The following GPC6 variants were observed in gnomAD, a reference collection of about 807,000 sequenced individuals.
GPC6 encodes the protein glypican 6.
In GPC6, 14 loss-of-function variants were observed where a neutral mutation model predicts 55.2. That is an observed-to-expected ratio of 0.25 (90% CI 0.17 to 0.40). The LOEUF is 0.40. Ranked by LOEUF, GPC6 falls within the 10% of genes least tolerant of loss-of-function variation. GPC6 has a pLI of 1.00. For synonymous variants in GPC6, 278 were observed against 259.6 expected, an observed-to-expected ratio of 1.07 and a Z score of -0.68; for missense variants, 641 against 708.5, an observed-to-expected ratio of 0.90 and a Z score of 1.08.
chr13:94,143,980 G>C (rs1174354807), intron 4 of GPC6, among the ~76,000 whole-genome samples: 18 of 152,278 alleles, frequency 1.2e-4, no homozygotes, highest in Non-Finnish European at 4.4e-5. Context: ...ACACATTATA[G>C]CTTTATAGGC....
intron 3 of GPC6, among the ~76,000 whole-genome samples, chr13:93,840,018 T>C (rs1326166882): frequency 2.6e-5 from 4 of 152,146 alleles, no homozygotes; most frequent in Non-Finnish European, 5.9e-5. Flanking sequence ...TTCTCTATCT[T>C]GTGGAATAGT....
chr13:93,251,720 C>A (rs1876792825), intron 1 of GPC6, among the ~76,000 whole-genome samples: 1 of 152,172 alleles, frequency 6.6e-6, no homozygotes, highest in Non-Finnish European at 1.5e-5. Context: ...GATAAGAAAT[C>A]TTCCTATTCC....
At chr13:94,192,354 C>G (rs1889422377) in intron 4 of GPC6, among the ~76,000 whole-genome samples, 2 of 152,182 alleles carry the variant, frequency 1.3e-5, no homozygotes, top group Non-Finnish European at 1.5e-5. Context: ...AGCCTCAGGT[C>G]TTCCTAAAAG....
chr13:94,403,013 A>G lies in GPC6; in HGVS notation c.1466-2A>G. On this transcript the variant is annotated splice_acceptor_variant, in intron 8 of 8. Transcript: ENST00000377047. LOFTEE classifies it high-confidence loss of function. ...CTTTCTTTTTCAATCTTTCCACACTAGGTGATGAATCCAGTGGCTCAGGGA... is the reference window on the plus strand; with the variant it reads ...CTTTCTTTTTCAATCTTTCCACACTGGGTGATGAATCCAGTGGCTCAGGGA... The G allele has an allele frequency of 6.2e-7, 1 of 1,600,634 alleles. No individual in the cohort carries two copies.
intron 1 of GPC6, among the ~76,000 whole-genome samples, chr13:93,261,953 C>G (rs1877164816): frequency 6.6e-6 from 1 of 151,838 alleles, no homozygotes; most frequent in Admixed American, 6.6e-5. Flanking sequence ...CACACACACA[C>G]ACACACACAC....
chr13:93,817,042 A>G (rs1357331778), intron 2 of GPC6, among the ~76,000 whole-genome samples: 1 of 152,188 alleles, frequency 6.6e-6, no homozygotes, highest in Admixed American at 6.5e-5. Flanking sequence ...TGTAAATTGC[A>G]TCAGCATCAA....
At position 93,505,652 on chromosome 13, in the gene GPC6, C is replaced by A. The variant is rs113010508; in HGVS notation, c.161-39611C>A. The stretch of plus-strand genomic sequence containing the variant: ...GGGGCCATTTTAAACAGTGAAATCA[C>A]CAAGGAAAAGCACAAAAATGCAAAA... On this transcript the variant is annotated intron_variant, in intron 1 of 8. Transcript: ENST00000377047. Among the ~76,000 whole-genome samples, 33 of 152,144 alleles carry A rather than the reference C, an allele frequency of 2.2e-4. 3 individuals are homozygous for A. The highest frequency in any genetic ancestry group is 8.0e-4 in the African/African-American group (33 of 41,496).
At chr13:94,338,576 A>G (rs1054630507) in intron 6 of GPC6, among the ~76,000 whole-genome samples, 6 of 152,192 alleles carry the variant, frequency 3.9e-5, no homozygotes, top group Non-Finnish European at 8.8e-5. Context: ...ACAGCAATCT[A>G]TTGAGGGCAA....
At chr13:94,000,600 T>G (rs1014676343) in intron 3 of GPC6, among the ~76,000 whole-genome samples, 35 of 152,160 alleles carry the variant, frequency 2.3e-4, no homozygotes, top group African/African-American at 8.2e-4. Flanking sequence ...GGCTTAGAGA[T>G]GACAGAAAGA....
intron 3 of GPC6, among the ~76,000 whole-genome samples, chr13:93,870,805 A>T (rs970487891): frequency 6.6e-6 from 1 of 151,862 alleles, no homozygotes; most frequent in Non-Finnish European, 1.5e-5. Flanking sequence ...CCTCAAAATG[A>T]GACGGGGTTT....
chr13:94,279,883 C>T (rs114426556), intron 4 of GPC6, among the ~76,000 whole-genome samples: 2,819 of 152,100 alleles, frequency 0.019, 90 homozygotes, highest in African/African-American at 0.064. Flanking sequence ...AATTTTAGAG[C>T]AAGTGTCATG....
chr13:93,863,106 T>A (rs116239028), intron 3 of GPC6, among the ~76,000 whole-genome samples: 1 of 151,710 alleles, frequency 6.6e-6, no homozygotes, highest in African/African-American at 2.4e-5. Context: ...AAATACCCAA[T>A]GCTACAAGGC....
chr13:93,377,231 T>C (rs1044300566), intron 1 of GPC6, among the ~76,000 whole-genome samples: 2 of 152,164 alleles, frequency 1.3e-5, no homozygotes, highest in Admixed American at 1.3e-4. Context: ...AGCATTGAAG[T>C]GAATCTCCCA....
chr13:93,765,802 C>T (rs1324526863), intron 2 of GPC6, among the ~76,000 whole-genome samples: 4 of 152,216 alleles, frequency 2.6e-5, no homozygotes, highest in Non-Finnish European at 4.4e-5. Flanking sequence ...AGAATTTTCA[C>T]TTCATGGAAT....
At chr13:93,982,719 C>T (rs1218999726) in intron 3 of GPC6, among the ~76,000 whole-genome samples, 1 of 152,122 alleles carries the variant, frequency 6.6e-6, no homozygotes, top group Non-Finnish European at 1.5e-5. Context: ...GCTGGTGGGT[C>T]ATAAAATGAA....
chr13:93,839,894 T>A (rs1887885443), intron 3 of GPC6, among the ~76,000 whole-genome samples: 1 of 152,190 alleles, frequency 6.6e-6, no homozygotes, highest in Non-Finnish European at 1.5e-5. Context: ...GATTTTAGCA[T>A]CTATATTCAT....
At chr13:93,817,080 T>C (rs1886880113) in intron 2 of GPC6, among the ~76,000 whole-genome samples, 1 of 152,212 alleles carries the variant, frequency 6.6e-6, no homozygotes, top group Non-Finnish European at 1.5e-5. Flanking sequence ...TCTATCACTG[T>C]AGGCACTAAA....
chr13:93,250,966 G>A (rs1161201927), intron 1 of GPC6, among the ~76,000 whole-genome samples: 1 of 152,194 alleles, frequency 6.6e-6, no homozygotes, highest in Non-Finnish European at 1.5e-5. Flanking sequence ...CGTCTCACAT[G>A]GCAGCAGTCA....
intron 4 of GPC6, among the ~76,000 whole-genome samples, chr13:94,211,875 A>G (rs1177818793): frequency 6.6e-6 from 1 of 152,230 alleles, no homozygotes. Flanking sequence ...TAATTCTGTG[A>G]AACATTGGAT....
Sources: allele counts gnomAD v4.1 joint callset (sites outside exome capture counted in the v4.1 genomes callset), GRCh38; gene constraint gnomAD v4.1.1; transcripts MANE v1.5; gene names NCBI Gene and HGNC (gene_info 2026-07-23, HGNC 2026-07-21).